The following ASCC2 variants were observed in gnomAD, a reference collection of about 807,000 sequenced individuals.
ASCC2 encodes ASC-1 complex subunit P100.
In ASCC2, 42 loss-of-function variants were observed where a neutral mutation model predicts 93.5. The ratio of observed to expected loss-of-function variants is 0.45; its 90% CI spans 0.35 to 0.58. The LOEUF is 0.58. ASCC2 is among the 20% of genes least tolerant of loss of function. The pLI is 0.00. For synonymous variants in ASCC2, 364 were observed against 384.2 expected (o/e 0.95, Z 0.62); for missense variants, 859 against 977.6 (o/e 0.88, Z 1.62).
At chr22:29,818,047 A>G (rs249397) in intron 5 of ASCC2, among the ~76,000 whole-genome samples, 83,521 of 149,918 alleles carry the variant, frequency 0.56, 23,968 homozygotes, top group African/African-American at 0.68. Context: ...AAAAAAAAAA[A>G]TTAGGTGGGG....
Position 29,788,980 on chromosome 22 carries a change from G to A in ASCC2, c.*33C>T. ...GGGAGCACGGCCTGGTGAGTCTGGT[G>A]CCGCTGCCTCCCCACTGGCCCTGCA... On this transcript the variant is annotated 3_prime_UTR_variant, in exon 20 of 20. Coordinates refer to ENST00000307790, the MANE Select transcript of ASCC2 (RefSeq NM_032204.5). 1 of 1,613,428 alleles carries A rather than the reference G, an allele frequency of 6.2e-7. No individual in the cohort carries two copies. The highest frequency in any genetic ancestry group is 1.1e-5 in the South Asian group (1 of 91,066).
At chr22:29,792,787 G>C (rs959722600) in intron 17 of ASCC2, among the ~76,000 whole-genome samples, 7 of 152,082 alleles carry the variant, frequency 4.6e-5, no homozygotes, top group African/African-American at 1.7e-4. Flanking sequence ...AGTCGGGACA[G>C]CTCTGCTTGG....
chr22:29,822,159 G>A (rs2061645747), intron 5 of ASCC2, 176 bp downstream of exon 5: 2 of 756,034 alleles, frequency 2.6e-6, no homozygotes, highest in Non-Finnish European at 4.3e-6. Context: ...CCTAGGTAGT[G>A]TCACTACCTA....
intron 13 of ASCC2, 131 bp from the exon 14 acceptor site, chr22:29,802,339 G>C (rs1157107440): frequency 2.3e-6 from 2 of 866,244 alleles, no homozygotes; most frequent in African/African-American, 3.4e-5. Context: ...CTGCCTGTGG[G>C]AACTTTGTCA....
intron 12 of ASCC2, among the ~76,000 whole-genome samples, chr22:29,805,592 G>C (rs896865497): frequency 6.6e-6 from 1 of 152,094 alleles, no homozygotes; most frequent in African/African-American, 2.4e-5. Context: ...GGTCACCCCA[G>C]GGCTGTGCAC....
At chr22:29,823,993 C>G (rs1886636925) in intron 4 of ASCC2, among the ~76,000 whole-genome samples, 1 of 152,054 alleles carries the variant, frequency 6.6e-6, no homozygotes, top group South Asian at 2.1e-4. Context: ...GAATTCAAAA[C>G]CAACCAGGGC....
intron 5 of ASCC2, among the ~76,000 whole-genome samples, chr22:29,820,855 G>A (rs568811614): frequency 6.8e-6 from 1 of 146,272 alleles, no homozygotes; most frequent in South Asian, 2.1e-4. Flanking sequence ...GCGGTGGGCC[G>A]AGATTGCACC....
rs1601750318 is a variant in ASCC2 at position 29,789,109 on chromosome 22, T to C, written c.2178A>G (p.Glu726=). The change falls in exon 20 of 20, where the codon GAA becomes GAG. Residue 726 remains glutamate, a synonymous_variant. Coordinates refer to ENST00000307790, the MANE Select transcript of ASCC2 (RefSeq NM_032204.5). ...GHGQSRETTQ[E]RRKKEANKAT... is the part of the protein sequence containing the mutation. ...CCTTGTTGGCTTCCTTCTTCCTGCGTTCCTGGGTTGTCTCGCGGCTCTGCC... is the reference window on the plus strand; with the variant it reads ...CCTTGTTGGCTTCCTTCTTCCTGCGCTCCTGGGTTGTCTCGCGGCTCTGCC... The C allele has an allele frequency of 6.2e-7, 1 of 1,614,180 alleles. No individual in the cohort carries two copies. Among genetic ancestry groups the C allele is most frequent in the Non-Finnish European group, 8.5e-7 (1 of 1,180,016 alleles).
At chr22:29,813,337 G>T in intron 8 of ASCC2, 93 bp downstream of exon 8, 1 of 928,898 alleles carries the variant, frequency 1.1e-6, no homozygotes, top group Non-Finnish European at 1.7e-6. Flanking sequence ...TACATTCTAA[G>T]CACCCAGTAA....
chr22:29,816,236 G>C (rs1289248440), intron 5 of ASCC2, among the ~76,000 whole-genome samples, 163 bp from the exon 6 acceptor site: 5 of 152,206 alleles, frequency 3.3e-5, no homozygotes, highest in African/African-American at 1.2e-4. Context: ...AGGCCCTGCT[G>C]GCACTGAGCT....
rs531329047 is a variant in ASCC2, at chr22:29,814,896, T to C, written c.610-129A>G. The stretch of plus-strand genomic sequence containing the variant: ...AGAATATTTACCCATGTTTCCAGGA[T>C]ATAAGCTGAGACAATTACCTTCTCC... On this transcript the variant is annotated intron_variant, in intron 6 of 19. Coordinates refer to ENST00000307790, the MANE Select transcript of ASCC2 (RefSeq NM_032204.5). 13 of 694,862 alleles carry C rather than the reference T, an allele frequency of 1.9e-5. No homozygotes were observed. In the South Asian group the frequency reaches 2.5e-4, roughly 13 times the overall value. 43.0% of individuals were successfully genotyped at this position (694,862 alleles called of 1,614,324 possible).
At position 29,788,769 on chromosome 22, in the gene ASCC2, G is replaced by T. The variant is rs1342194184; in HGVS notation, c.*244C>A. On this transcript the variant is annotated 3_prime_UTR_variant, in exon 20 of 20. Coordinates refer to ENST00000307790, the MANE Select transcript of ASCC2 (RefSeq NM_032204.5). ...CCATCTCTTTCCCGCTAGCGCAGCT[G>T]GGGGAAGGTGCCTGCTTGCCGGCCC... 8 of 540,692 alleles carry T rather than the reference G, an allele frequency of 1.5e-5. No homozygotes were observed. Among genetic ancestry groups the T allele is most frequent in the Non-Finnish European group, 2.3e-5 (7 of 302,384 alleles). 33.5% of individuals were successfully genotyped at this position (540,692 alleles called of 1,614,324 possible).
chr22:29,794,716 T>A (rs1455969314), intron 15 of ASCC2, among the ~76,000 whole-genome samples: 1 of 152,144 alleles, frequency 6.6e-6, no homozygotes, highest in African/African-American at 2.4e-5. Context: ...GATCGTTGTG[T>A]GGTAGTTGTC....
At chr22:29,832,482 GT>G in intron 1 of ASCC2, 140 bp from the exon 2 acceptor site, 1 of 620,654 alleles carries the variant, frequency 1.6e-6, no homozygotes, top group Non-Finnish European at 2.7e-6. Context: ...TCAGGACCTG[GT>G]TCATGCACCT....
chr22:29,816,158 AG>A, intron 5 of ASCC2, 85 bp from the exon 6 acceptor site: 1 of 1,153,704 alleles, frequency 8.7e-7, no homozygotes, highest in Non-Finnish European at 1.3e-6. Flanking sequence ...GGTTGCCAGC[AG>A]GTCTGTGACC....
intron 2 of ASCC2, among the ~76,000 whole-genome samples, chr22:29,826,395 C>T (rs1281433558): frequency 6.6e-6 from 1 of 152,038 alleles, no homozygotes; most frequent in African/African-American, 2.4e-5. Context: ...TGGCTCACGG[C>T]AGCCTCTACC....
At chr22:29,821,679 ATGCATGGCCAAT>A (rs1250665471) in intron 5 of ASCC2, among the ~76,000 whole-genome samples, 1 of 152,192 alleles carries the variant, frequency 6.6e-6, no homozygotes, top group Non-Finnish European at 1.5e-5. Flanking sequence ...CCTATGTCTG[ATGCATGGCCAAT>A]TGCATAATAC....
intron 15 of ASCC2, among the ~76,000 whole-genome samples, chr22:29,797,717 G>GA (rs1440455346): frequency 6.6e-6 from 1 of 152,252 alleles, no homozygotes; most frequent in African/African-American, 2.4e-5. Flanking sequence ...TGTGCTCTGC[G>GA]ACTCCCCAAA....
At chr22:29,790,800 G>A (rs368249482) in intron 18 of ASCC2, among the ~76,000 whole-genome samples, 2 of 152,190 alleles carry the variant, frequency 1.3e-5, no homozygotes, top group African/African-American at 4.8e-5. Flanking sequence ...TGGACAGGCT[G>A]GTAGAGTGGA....
Sources: allele counts gnomAD v4.1 joint callset (sites outside exome capture counted in the v4.1 genomes callset), GRCh38; gene constraint gnomAD v4.1.1; transcripts MANE v1.5; gene names NCBI Gene and HGNC (gene_info 2026-07-23, HGNC 2026-07-21).